CELF4: variants seen among roughly 807,000 people sequenced by gnomAD.
CELF4 encodes the protein CUGBP Elav-like family member 4, also known as CUG-BP- and ETR-3-like factor 4.
In CELF4, 18 loss-of-function variants were observed where a neutral mutation model predicts 59.9. That is an observed-to-expected ratio of 0.30 (90% CI 0.21 to 0.45). CELF4 has a LOEUF of 0.45. Ranked by LOEUF, CELF4 falls within the 20% of genes least tolerant of loss-of-function variation. CELF4 has a pLI of 1.00. For missense variants in CELF4, 456 were observed against 689.0 expected (o/e 0.66, Z 3.79); for synonymous variants, 261 against 267.1 (o/e 0.98, Z 0.22).
intron 2 of CELF4, among the ~76,000 whole-genome samples, chr18:37,411,524 G>A (rs971597124): frequency 6.6e-6 from 1 of 152,168 alleles, no homozygotes; most frequent in Non-Finnish European, 1.5e-5. Flanking sequence ...GTGAGGCCAT[G>A]GGGTGACTTA....
At chr18:37,492,637 A>G (rs2099909753) in intron 1 of CELF4, among the ~76,000 whole-genome samples, 1 of 152,074 alleles carries the variant, frequency 6.6e-6, no homozygotes. Context: ...CATCATGTAC[A>G]TGTTCTTCCT....
intron 2 of CELF4, among the ~76,000 whole-genome samples, chr18:37,416,577 A>G (rs561679270): frequency 6.6e-6 from 1 of 152,374 alleles, no homozygotes; most frequent in East Asian, 1.9e-4. Flanking sequence ...TGGAATCAGT[A>G]TCCTGGGACC....
chr18:37,259,604 G>GA (rs2072972174), intron 10 of CELF4, among the ~76,000 whole-genome samples: 1 of 152,174 alleles, frequency 6.6e-6, no homozygotes, highest in African/African-American at 2.4e-5. Flanking sequence ...ACCAGGTGCT[G>GA]AAGATAGGGA....
Position 37,442,004 on chromosome 18 carries a change from A to T in CELF4, c.369+43521T>A, listed in dbSNP as rs576841399. Among the ~76,000 whole-genome samples, 181 of 71,282 alleles carry T rather than the reference A, an allele frequency of 2.5e-3. 1 individual carries two copies. The highest frequency in any genetic ancestry group is 8.1e-3 in the African/African-American group (171 of 21,128). The allele number at this position is 71,282 out of a possible 152,430, so 46.8% of individuals were successfully genotyped here. On this transcript the variant is annotated intron_variant, in intron 2 of 12. Coordinates refer to ENST00000420428, the MANE Select transcript of CELF4 (RefSeq NM_020180.4). ...CCTAGATGACACAGTGCGTCACCCA[A>T]ACCGCAAAGACCCTAGATGACACGG...
At chr18:37,399,216 A>G (rs2154580729) in intron 2 of CELF4, among the ~76,000 whole-genome samples, 2 of 152,282 alleles carry the variant, frequency 1.3e-5, no homozygotes, top group African/African-American at 4.8e-5. Context: ...GGGATGGGAC[A>G]TTTAAGAGGT....
At chr18:37,406,763 C>T (rs992327123) in intron 2 of CELF4, among the ~76,000 whole-genome samples, 2 of 152,128 alleles carry the variant, frequency 1.3e-5, no homozygotes, top group African/African-American at 4.8e-5. Context: ...TCATCAGATG[C>T]TCAGCAGCTA....
chr18:37,372,358 A>G (rs2098905000), intron 2 of CELF4, among the ~76,000 whole-genome samples: 1 of 152,200 alleles, frequency 6.6e-6, no homozygotes, highest in South Asian at 2.1e-4. Context: ...GGAAACCATC[A>G]TTCTGAGCAA....
intron 2 of CELF4, among the ~76,000 whole-genome samples, chr18:37,468,880 C>T (rs1008833320): frequency 1.3e-5 from 2 of 152,128 alleles, no homozygotes; most frequent in African/African-American, 2.4e-5. Context: ...ATCCATGATC[C>T]AATCATCTCC....
At chr18:37,372,594 C>T (rs978091301) in intron 2 of CELF4, among the ~76,000 whole-genome samples, 1 of 152,138 alleles carries the variant, frequency 6.6e-6, no homozygotes, top group South Asian at 2.1e-4. Flanking sequence ...AACAAACCTG[C>T]ATGTTGTGCA....
chr18:37,403,838 T>C (rs1285444074), intron 2 of CELF4, among the ~76,000 whole-genome samples: 1 of 152,212 alleles, frequency 6.6e-6, no homozygotes, highest in Non-Finnish European at 1.5e-5. Flanking sequence ...GTGCTGCTCA[T>C]ACCCTCTTCT....
chr18:37,514,303 A>T (rs1358552390), intron 1 of CELF4, among the ~76,000 whole-genome samples: 1 of 152,092 alleles, frequency 6.6e-6, no homozygotes, highest in Non-Finnish European at 1.5e-5. Flanking sequence ...GGACGAGGGC[A>T]TTACAATGGG....
At position 37,560,739 on chromosome 18, in the gene CELF4, C is replaced by T. The variant is rs111842166; in HGVS notation, c.286+4617G>A. ...CTTCAGCTGCACTGTCTCTTAGACT[C>T]ATTTGAAAATGGAAATCACATAGAG... On this transcript the variant is annotated intron_variant, in intron 1 of 12. Transcript: ENST00000420428. Among the ~76,000 whole-genome samples, 1,282 of 152,206 alleles carry T rather than the reference C, an allele frequency of 8.4e-3. 9 individuals carry two copies. Among genetic ancestry groups the T allele is most frequent in the African/African-American group, 0.029 (1,217 of 41,524 alleles).
rs61235122 is a variant in CELF4 at position 37,547,160 on chromosome 18, G to GTGGT, written c.286+18195_286+18196insACCA. 7.3e-4 allele frequency among the ~76,000 whole-genome samples: 105 copies of GTGGT among 144,252 alleles called. No individual in the cohort carries two copies. In the East Asian group the frequency reaches 0.014, roughly 19 times the overall value. 94.6% of individuals were successfully genotyped at this position (144,252 alleles called of 152,430 possible). A position where few individuals can be genotyped will look rare whatever the true frequency, so the allele number is the denominator to read the frequency against. On this transcript the variant is annotated intron_variant, in intron 1 of 12. Transcript: ENST00000420428. The stretch of plus-strand genomic sequence containing the variant: ...GCTTAGTGTATGTGTGTGTGTGTGT[G>GTGGT]GTGTGTGTGTGTGTGTGTGTGTGTG...
At chr18:37,248,023 G>A (rs1203597943) in intron 12 of CELF4, among the ~76,000 whole-genome samples, 2 of 152,096 alleles carry the variant, frequency 1.3e-5, no homozygotes, top group African/African-American at 2.4e-5. Context: ...GTGTCCACGG[G>A]GTCCATCTAC....
intron 3 of CELF4, among the ~76,000 whole-genome samples, chr18:37,292,866 C>T (rs2154423417): frequency 6.6e-6 from 1 of 152,322 alleles, no homozygotes; most frequent in South Asian, 2.1e-4. Context: ...AAATACACTG[C>T]TGGTATTTTA....
intron 2 of CELF4, among the ~76,000 whole-genome samples, chr18:37,421,068 T>C (rs1426282738): frequency 1.3e-5 from 2 of 152,196 alleles, no homozygotes; most frequent in East Asian, 1.9e-4. Context: ...GCTGAGTCTT[T>C]GGTCCTGATC....
At chr18:37,477,049 G>C (rs1262649006) in intron 2 of CELF4, among the ~76,000 whole-genome samples, 1 of 152,236 alleles carries the variant, frequency 6.6e-6, no homozygotes, top group Non-Finnish European at 1.5e-5. Flanking sequence ...GCTGGAATAG[G>C]AGATGCCAGA....
intron 2 of CELF4, among the ~76,000 whole-genome samples, chr18:37,335,482 A>T (rs2097734844): frequency 6.9e-6 from 1 of 144,202 alleles, no homozygotes; most frequent in Admixed American, 6.9e-5. Flanking sequence ...CAGTGCATGC[A>T]GTGTGTGTGT....
At chr18:37,445,233 A>C (rs992751358) in intron 2 of CELF4, among the ~76,000 whole-genome samples, 1 of 152,168 alleles carries the variant, frequency 6.6e-6, no homozygotes, top group African/African-American at 2.4e-5. Context: ...CCTGGGCTGC[A>C]GAAGCGGGAG....
Sources: allele counts gnomAD v4.1 joint callset (sites outside exome capture counted in the v4.1 genomes callset), GRCh38; gene constraint gnomAD v4.1.1; transcripts MANE v1.5; gene names NCBI Gene and HGNC (gene_info 2026-07-23, HGNC 2026-07-21).